Variants in SHLD1 observed in about 807,000 individuals in gnomAD.
SHLD1 encodes shieldin complex subunit 1.
A neutral mutation model predicts 5.5 loss-of-function variants in SHLD1; 3 were observed. The observed-to-expected ratio is 0.54, with a 90% CI of 0.25 to 1.40. SHLD1 has a LOEUF of 1.40. SHLD1 is among the 40% of genes most tolerant of loss of function. SHLD1 has a pLI of 0.15. For missense variants in SHLD1, 210 were observed against 244.4 expected (o/e 0.86, Z 0.94); for synonymous variants, 92 against 94.3 (o/e 0.98, Z 0.14).
chr20:5,813,661 A>G (rs1430484780), intron 2 of SHLD1, among the ~76,000 whole-genome samples: 1 of 152,226 alleles, frequency 6.6e-6, no homozygotes, highest in Non-Finnish European at 1.5e-5. Context: ...TGATAAGGCA[A>G]TGTGTGTGTA....
intron 2 of SHLD1, among the ~76,000 whole-genome samples, chr20:5,792,456 A>G (rs1600127072): frequency 6.6e-6 from 1 of 151,934 alleles, no homozygotes; most frequent in East Asian, 1.9e-4. Context: ...GTCTCACTGT[A>G]TCCCTCAGGC....
At chr20:5,767,817 T>C (rs1984926212) in intron 1 of SHLD1, among the ~76,000 whole-genome samples, 1 of 152,168 alleles carries the variant, frequency 6.6e-6, no homozygotes, top group Non-Finnish European at 1.5e-5. Context: ...TAAGCCACCT[T>C]GGAGGTTTCC....
At chr20:5,825,300 G>A (rs2087653087) in intron 2 of SHLD1, among the ~76,000 whole-genome samples, 1 of 152,210 alleles carries the variant, frequency 6.6e-6, no homozygotes, top group East Asian at 1.9e-4. Context: ...AGTCAATACA[G>A]TCGGTAGCTG....
intron 2 of SHLD1, among the ~76,000 whole-genome samples, chr20:5,801,024 T>C (rs1040625971): frequency 6.6e-6 from 1 of 151,988 alleles, no homozygotes; most frequent in Non-Finnish European, 1.5e-5. Flanking sequence ...TTCATGCTCA[T>C]TTGGACTGTC....
chr20:5,841,389 G>C (rs1283035977), intron 2 of SHLD1, among the ~76,000 whole-genome samples: 2 of 152,182 alleles, frequency 1.3e-5, no homozygotes, highest in South Asian at 2.1e-4. Context: ...TGTGTGCATG[G>C]GTGTTTTGGG....
chr20:5,773,348 G>C (rs1335717139), intron 2 of SHLD1: 4 of 566,866 alleles, frequency 7.1e-6, no homozygotes, highest in Non-Finnish European at 1.2e-5. Context: ...TCAACAAAGA[G>C]AGAGTGGAAT....
chr20:5,798,819 C>T (rs1042611540), intron 2 of SHLD1, among the ~76,000 whole-genome samples: 10 of 151,714 alleles, frequency 6.6e-5, no homozygotes, highest in African/African-American at 2.2e-4. Flanking sequence ...GGGGTTTCAC[C>T]GGGTTAGCCA....
At chr20:5,856,026 G>A (rs963183866) in intron 2 of SHLD1, among the ~76,000 whole-genome samples, 2 of 152,240 alleles carry the variant, frequency 1.3e-5, no homozygotes, top group African/African-American at 4.8e-5. Flanking sequence ...GAGTGAGGGT[G>A]AGGATGAACA....
intron 1 of SHLD1, among the ~76,000 whole-genome samples, chr20:5,756,515 T>A (rs1984111438): frequency 6.6e-6 from 1 of 152,138 alleles, no homozygotes; most frequent in Non-Finnish European, 1.5e-5. Flanking sequence ...TTCTTTTCTA[T>A]GCCATTGTAA....
intron 2 of SHLD1, among the ~76,000 whole-genome samples, chr20:5,839,477 T>TTAGAAAGA (rs2087828690): frequency 9.5e-6 from 1 of 105,564 alleles, no homozygotes; most frequent in Non-Finnish European, 1.9e-5. Context: ...AATGGATAAA[T>TTAGAAAGA]TAGATAGAAA....
chr20:5,783,660 C>A (rs1405983391), intron 2 of SHLD1, among the ~76,000 whole-genome samples: 1 of 152,158 alleles, frequency 6.6e-6, no homozygotes, highest in Non-Finnish European at 1.5e-5. Flanking sequence ...GAAGGATAAA[C>A]CATAAGTGTA....
chr20:5,806,195 A>G lies in SHLD1; in HGVS notation c.178+33152A>G, dbSNP rs1425223200. On this transcript the variant is annotated intron_variant, in intron 2 of 2. Coordinates refer to ENST00000303142, the MANE Select transcript of SHLD1 (RefSeq NM_152504.4). The surrounding 1 kb of genome is among the most constrained non-coding windows in gnomAD (Gnocchi z 7.6). ...ATAATTTTTTACTTGGCGTTTCTTT[A>G]TCTGTTTTATGGGGACAATAATATC... 6.6e-6 allele frequency among the ~76,000 whole-genome samples: 1 copy of G among 152,150 alleles called. No homozygotes were observed. Among genetic ancestry groups the G allele is most frequent in the African/African-American group, 2.4e-5 (1 of 41,442 alleles).
At chr20:5,827,067 A>C (rs2087674723) in intron 2 of SHLD1, among the ~76,000 whole-genome samples, 2 of 152,120 alleles carry the variant, frequency 1.3e-5, no homozygotes, top group Non-Finnish European at 1.5e-5. Context: ...AGAAGAGATG[A>C]AACAGTCCAA....
intron 2 of SHLD1, among the ~76,000 whole-genome samples, chr20:5,803,821 G>A (rs1305825074): frequency 3.3e-5 from 5 of 151,288 alleles, no homozygotes; most frequent in African/African-American, 4.9e-5. Context: ...GCAGTGAACC[G>A]AGATCGCGCC....
rs74281801 is a variant in SHLD1, at chr20:5,759,989, TAC to T, written c.-5+9530_-5+9531del. 6.5e-4 allele frequency among the ~76,000 whole-genome samples: 98 copies of T among 150,526 alleles called. No individual in the cohort carries two copies. The East Asian group carries it at 7.6e-3, about 12-fold the overall frequency. ...ATCATTCTCTGTCTCTGTATTTTTA[TAC>T]ACACACACACACACACACATATACA... On this transcript the variant is annotated intron_variant, in intron 1 of 2. Coordinates refer to ENST00000303142, the MANE Select transcript of SHLD1 (RefSeq NM_152504.4).
At chr20:5,764,527 C>CA (rs375996514) in intron 1 of SHLD1, among the ~76,000 whole-genome samples, 36,219 of 111,032 alleles carry the variant, frequency 0.33, 6,230 homozygotes, top group East Asian at 0.62. Context: ...GACCTTGTCT[C>CA]AAAAAAAAAA....
Position 5,758,521 on chromosome 20 carries a change from T to A in SHLD1, c.-5+8042T>A, listed in dbSNP as rs486931. Among the ~76,000 whole-genome samples the A allele has an allele frequency of 5.3e-5, 8 of 151,590 alleles. No homozygotes were observed. In the South Asian group the frequency reaches 1.5e-3, roughly 28 times the overall value. ...GCAACCTCCACCCCCTGAGTTCAAG[T>A]GATTCTCCTGCCTCAGCCTTCCGAG... On this transcript the variant is annotated intron_variant, in intron 1 of 2. Transcript: ENST00000303142.
chr20:5,786,379 C>G (rs978759764), intron 2 of SHLD1, among the ~76,000 whole-genome samples: 2 of 152,130 alleles, frequency 1.3e-5, no homozygotes, highest in Admixed American at 6.6e-5. Context: ...GAGTTCGAGA[C>G]CAGCCTGGCC....
intron 2 of SHLD1, among the ~76,000 whole-genome samples, chr20:5,819,552 T>C (rs527820245): frequency 6.6e-6 from 1 of 152,368 alleles, no homozygotes; most frequent in Admixed American, 6.5e-5. Context: ...CCAGTCATGG[T>C]GGTTCACATC....
Sources: gnomAD v4.1 joint callset for allele counts (sites outside exome capture counted in the v4.1 genomes callset) on GRCh38, gnomAD v4.1.1 for gene constraint, Gnocchi (gnomAD v3.1) non-coding constraint, MANE v1.5 for transcripts, NCBI Gene and HGNC (gene_info 2026-07-23, HGNC 2026-07-21) for gene names.